Variants in ACTR3C observed in about 807,000 individuals in gnomAD.
The protein encoded by ACTR3C is actin-related protein 3C.
A neutral mutation model predicts 26.3 loss-of-function variants in ACTR3C; 18 were observed. The observed-to-expected ratio is 0.68, with a 90% CI of 0.47 to 1.01. ACTR3C has a LOEUF of 1.01. Among genes scored for constraint, ACTR3C ranks in the 50% least tolerant of loss-of-function variants. ACTR3C has a pLI of 0.00. For missense variants in ACTR3C, 184 were observed against 250.7 expected (o/e 0.73, Z 1.80); for synonymous variants, 55 against 94.5 (o/e 0.58, Z 2.42).
chr7:149,960,973 C>T, the ACTR3C span, among the ~76,000 whole-genome samples: 1 of 149,786 alleles, frequency 6.7e-6, no homozygotes, highest in Non-Finnish European at 1.5e-5. Context: ...GAAGTGTATA[C>T]TCATAGGAAG....
chr7:150,204,697 C>A, the ACTR3C span, among the ~76,000 whole-genome samples: 1 of 152,126 alleles, frequency 6.6e-6, no homozygotes, highest in Non-Finnish European at 1.5e-5. Flanking sequence ...AGAGGAGGAG[C>A]AAGGAACATG....
the ACTR3C span, among the ~76,000 whole-genome samples, chr7:150,069,138 T>C: frequency 2.6e-5 from 4 of 152,236 alleles, no homozygotes; most frequent in Non-Finnish European, 5.9e-5. Context: ...ATATCTGCAA[T>C]TGCCACTGTG....
the ACTR3C span, among the ~76,000 whole-genome samples, chr7:150,036,619 A>G: frequency 7.0e-6 from 1 of 143,352 alleles, no homozygotes; most frequent in African/African-American, 2.5e-5. Flanking sequence ...TCCACAGTCT[A>G]CGAAACCCCA....
chr7:150,125,942 C>G, the ACTR3C span, among the ~76,000 whole-genome samples: 1 of 152,144 alleles, frequency 6.6e-6, no homozygotes, highest in Non-Finnish European at 1.5e-5. Context: ...CTGCTGCAGG[C>G]TCGGTTCTGG....
the ACTR3C span, among the ~76,000 whole-genome samples, chr7:150,091,185 C>A: frequency 1.4e-5 from 2 of 140,786 alleles, no homozygotes; most frequent in Non-Finnish European, 3.1e-5. Flanking sequence ...GGTGAAGCAT[C>A]AGGGATGGCT....
At chr7:150,021,414 G>A in the ACTR3C span, among the ~76,000 whole-genome samples, 1 of 150,806 alleles carries the variant, frequency 6.6e-6, no homozygotes, top group African/African-American at 2.5e-5. Flanking sequence ...TGTAGGTTCT[G>A]GTACAGTTGA....
the ACTR3C span, chr7:150,040,587 A>G: frequency 6.8e-6 from 1 of 147,740 alleles, no homozygotes; most frequent in African/African-American, 2.6e-5. Context: ...GTAGATTGCA[A>G]ATAACCTGCT....
At chr7:150,250,795 G>A (rs541529530) in intron 6 of ACTR3C, among the ~76,000 whole-genome samples, 2 of 152,140 alleles carry the variant, frequency 1.3e-5, no homozygotes, top group South Asian at 2.1e-4. Context: ...TGGAAGATCA[G>A]AAGTCTGGCT....
chr7:149,938,854 C>T, the ACTR3C span, among the ~76,000 whole-genome samples: 21 of 149,750 alleles, frequency 1.4e-4, no homozygotes, highest in East Asian at 3.9e-4. Context: ...AAAAGTAATA[C>T]GGAAGAGTTA....
the ACTR3C span, among the ~76,000 whole-genome samples, chr7:150,096,267 C>T: frequency 6.6e-6 from 1 of 150,414 alleles, no homozygotes; most frequent in Non-Finnish European, 1.5e-5. Flanking sequence ...ATCTCCCCAC[C>T]AAAATGTCTA....
the ACTR3C span, among the ~76,000 whole-genome samples, chr7:150,232,197 A>G: frequency 6.6e-6 from 1 of 152,196 alleles, no homozygotes; most frequent in Non-Finnish European, 1.5e-5. Context: ...ATGCAATTTT[A>G]AAAATTAGTG....
At chr7:150,222,183 G>A in the ACTR3C span, among the ~76,000 whole-genome samples, 3 of 152,144 alleles carry the variant, frequency 2.0e-5, no homozygotes, top group African/African-American at 4.8e-5. Flanking sequence ...TTTGGCTGCT[G>A]AAGACATTCA....
the ACTR3C span, among the ~76,000 whole-genome samples, chr7:150,022,282 T>C: frequency 1.3e-5 from 2 of 151,940 alleles, no homozygotes; most frequent in Non-Finnish European, 2.9e-5. Flanking sequence ...TAAAATTTTC[T>C]ATTCATGTCC....
the ACTR3C span, among the ~76,000 whole-genome samples, chr7:150,231,843 G>GT: frequency 1.3e-5 from 2 of 151,898 alleles, no homozygotes; most frequent in South Asian, 4.2e-4. Flanking sequence ...ATGTTATGCT[G>GT]TTTGTAGGTA....
chr7:150,211,382 A>G, the ACTR3C span, among the ~76,000 whole-genome samples: 2 of 151,346 alleles, frequency 1.3e-5, no homozygotes, highest in Admixed American at 6.5e-5. Flanking sequence ...CCTGGGTTCA[A>G]GCGATTCTCC....
the ACTR3C span, among the ~76,000 whole-genome samples, chr7:149,885,754 G>A: frequency 5.3e-5 from 8 of 152,370 alleles, no homozygotes; most frequent in South Asian, 2.1e-4. Context: ...GAATTCCTGC[G>A]GATTCTGCAG....
the ACTR3C span, among the ~76,000 whole-genome samples, chr7:149,894,269 A>C: frequency 5.3e-5 from 8 of 152,260 alleles, no homozygotes; most frequent in African/African-American, 1.9e-4. Context: ...AAAGACTTCA[A>C]TGTAAGACCT....
the ACTR3C span, among the ~76,000 whole-genome samples, chr7:150,150,805 A>G: frequency 7.3e-6 from 1 of 136,568 alleles, no homozygotes; most frequent in Admixed American, 7.5e-5. Context: ...ATTTAATCAT[A>G]AGGGAAACAG....
At chr7:149,967,104 A>G in the ACTR3C span, among the ~76,000 whole-genome samples, 13 of 143,072 alleles carry the variant, frequency 9.1e-5, no homozygotes, top group African/African-American at 3.2e-4. Context: ...GCACAATCTC[A>G]GCTCACTGCA....
Sources: gnomAD v4.1 joint callset for allele counts (sites outside exome capture counted in the v4.1 genomes callset) on GRCh38, gnomAD v4.1.1 for gene constraint, MANE v1.5 for transcripts, NCBI Gene and HGNC (gene_info 2026-07-23, HGNC 2026-07-21) for gene names.